The following GALNT13 variants were observed in gnomAD, a reference collection of about 807,000 sequenced individuals.
The protein encoded by GALNT13 is polypeptide N-acetylgalactosaminyltransferase 13.
In GALNT13, 28 loss-of-function variants were observed where a neutral mutation model predicts 64.2. That is an observed-to-expected ratio of 0.44 (90% CI 0.32 to 0.60). The LOEUF (loss-of-function observed/expected upper bound fraction) is 0.60. GALNT13 is among the 20% of genes least tolerant of loss of function. GALNT13 has a pLI of 0.05. For synonymous variants in GALNT13, 214 were observed against 224.6 expected, an observed-to-expected ratio of 0.95 and a Z score of 0.42; for missense variants, 577 against 669.8, an observed-to-expected ratio of 0.86 and a Z score of 1.53.
the GALNT13 span, among the ~76,000 whole-genome samples, chr2:153,754,326 A>G: frequency 1.3e-5 from 2 of 151,698 alleles, no homozygotes. Context: ...GAAACCAGCA[A>G]GTCTCTGACC....
the GALNT13 span, among the ~76,000 whole-genome samples, chr2:153,537,733 GT>G: frequency 6.6e-6 from 1 of 152,070 alleles, no homozygotes; most frequent in African/African-American, 2.4e-5. Flanking sequence ...AGATCTGATG[GT>G]TTTATAAGGC....
chr2:154,089,981 G>A (rs1428215873), intron 3 of GALNT13, among the ~76,000 whole-genome samples: 1 of 151,994 alleles, frequency 6.6e-6, no homozygotes, highest in African/African-American at 2.4e-5. Context: ...TTATGTGTCA[G>A]TAATTGGGCC....
chr2:154,276,185 CTTTTCTTTG>C (rs1375675417), intron 8 of GALNT13, among the ~76,000 whole-genome samples: 4 of 151,574 alleles, frequency 2.6e-5, no homozygotes, highest in Admixed American at 1.3e-4. Flanking sequence ...CTTTTCTTTT[CTTTTCTTTG>C]TTTTCTTTTC....
chr2:153,757,425 G>A, the GALNT13 span, among the ~76,000 whole-genome samples: 1 of 152,124 alleles, frequency 6.6e-6, no homozygotes, highest in African/African-American at 2.4e-5. Context: ...ACTGATGAAG[G>A]TTTATTCCAA....
At chr2:153,511,834 A>G in the GALNT13 span, among the ~76,000 whole-genome samples, 2 of 152,206 alleles carry the variant, frequency 1.3e-5, no homozygotes. Flanking sequence ...AAATTAAAAC[A>G]CAAAGGAAAT....
intron 3 of GALNT13, among the ~76,000 whole-genome samples, chr2:154,075,553 A>G (rs577788107): frequency 9.2e-5 from 14 of 151,946 alleles, no homozygotes; most frequent in African/African-American, 3.1e-4. Flanking sequence ...TTGTTGATCA[A>G]ATATATTTTC....
rs570320278 is a variant in GALNT13, at chr2:154,179,133, CCTT to C, written c.311+38631_311+38633del. Among the ~76,000 whole-genome samples the C allele has an allele frequency of 1.8e-4, 28 of 152,284 alleles. 1 individual carries two copies. The South Asian group carries it at 3.5e-3, about 19-fold the overall frequency. On this transcript the variant is annotated intron_variant, in intron 4 of 12. Transcript: ENST00000392825. The stretch of plus-strand genomic sequence containing the variant: ...CAAAATTATCCCTGTCTCTGAAACT[CCTT>C]CTACTCTCTTAACTCTACCCCAGGT...
chr2:153,945,108 A>G (rs1691626241), intron 3 of GALNT13, among the ~76,000 whole-genome samples: 1 of 152,206 alleles, frequency 6.6e-6, no homozygotes, highest in African/African-American at 2.4e-5. Context: ...AATTTTTAAA[A>G]CAAAACACAT....
the GALNT13 span, among the ~76,000 whole-genome samples, chr2:153,722,619 G>T: frequency 6.6e-6 from 1 of 151,946 alleles, no homozygotes; most frequent in South Asian, 2.1e-4. Context: ...TGATAAAGGG[G>T]ATATCACCAC....
intron 7 of GALNT13, among the ~76,000 whole-genome samples, chr2:154,252,724 AAGATAGAT>A (rs70983713): frequency 0.21 from 31,513 of 146,630 alleles, 3,451 homozygotes; most frequent in Middle Eastern, 0.24. Context: ...CGAATGGAAA[AAGATAGAT>A]AGATAGATAG....
At chr2:154,019,045 T>A (rs1697232089) in intron 3 of GALNT13, among the ~76,000 whole-genome samples, 1 of 152,086 alleles carries the variant, frequency 6.6e-6, no homozygotes, top group Admixed American at 6.6e-5. Flanking sequence ...AGACATTAGG[T>A]GTCTTCAGAG....
the GALNT13 span, among the ~76,000 whole-genome samples, chr2:153,581,046 C>G: frequency 6.6e-6 from 1 of 152,056 alleles, no homozygotes; most frequent in African/African-American, 2.4e-5. Flanking sequence ...TTATAGTGCT[C>G]AACATATTGT....
chr2:153,555,257 C>T, the GALNT13 span, among the ~76,000 whole-genome samples: 1 of 130,802 alleles, frequency 7.6e-6, no homozygotes. Flanking sequence ...TGCAGTGGCG[C>T]GATCTCGGCT....
the GALNT13 span, among the ~76,000 whole-genome samples, chr2:153,706,684 T>C: frequency 6.6e-6 from 1 of 152,204 alleles, no homozygotes; most frequent in African/African-American, 2.4e-5. Flanking sequence ...ACCCCTTTCT[T>C]TGTTGTCTTC....
At chr2:153,367,139 A>G in the GALNT13 span, among the ~76,000 whole-genome samples, 1 of 152,164 alleles carries the variant, frequency 6.6e-6, no homozygotes, top group Non-Finnish European at 1.5e-5. Context: ...AATGCAGTAT[A>G]TGAAATAAGT....
the GALNT13 span, among the ~76,000 whole-genome samples, chr2:153,153,060 G>A: frequency 6.6e-6 from 1 of 152,008 alleles, no homozygotes; most frequent in Non-Finnish European, 1.5e-5. Flanking sequence ...CTATAACCTT[G>A]CTAGCATCTG....
chr2:153,240,671 C>T, the GALNT13 span, among the ~76,000 whole-genome samples: 16 of 152,020 alleles, frequency 1.1e-4, no homozygotes, highest in African/African-American at 2.2e-4. Flanking sequence ...AGCTTCATGG[C>T]GAGGTTTATG....
the GALNT13 span, among the ~76,000 whole-genome samples, chr2:153,339,585 T>C: frequency 1.3e-5 from 2 of 152,190 alleles, no homozygotes; most frequent in Non-Finnish European, 2.9e-5. Flanking sequence ...CCGTTGATTG[T>C]TTTCATTGCT....
At chr2:153,117,050 A>G in the GALNT13 span, among the ~76,000 whole-genome samples, 1 of 151,686 alleles carries the variant, frequency 6.6e-6, no homozygotes, top group Non-Finnish European at 1.5e-5. Flanking sequence ...CCACCCGCCT[A>G]GGCCTCCCAA....
Sources: allele counts gnomAD v4.1 joint callset (sites outside exome capture counted in the v4.1 genomes callset), GRCh38; gene constraint gnomAD v4.1.1; transcripts MANE v1.5; gene names NCBI Gene and HGNC (gene_info 2026-07-23, HGNC 2026-07-21).